Variants in IKZF1 observed in about 807,000 individuals in gnomAD.
The protein encoded by IKZF1 is DNA-binding protein Ikaros.
IKZF1 carries 10 observed loss-of-function variants against 51.7 expected under a neutral mutation model. The ratio of observed to expected loss-of-function variants is 0.19; its 90% CI spans 0.12 to 0.33. The LOEUF is 0.33. IKZF1 is among the 10% of genes least tolerant of loss of function. The pLI is 1.00. For missense variants in IKZF1, 484 were observed against 707.5 expected, an observed-to-expected ratio of 0.68 and a Z score of 3.58; for synonymous variants, 280 against 282.3, an observed-to-expected ratio of 0.99 and a Z score of 0.08.
rs114832491 is a variant in IKZF1, at chr7:50,386,083, G to A, written c.590-1262G>A. ...GTGTTCAATAAAACAACATGAGAAA[G>A]AAGTAGAAGATTCTGCTATTAGGTT... On this transcript the variant is annotated intron_variant, in intron 5 of 7. Coordinates refer to ENST00000331340, the MANE Select transcript of IKZF1 (RefSeq NM_006060.6). 3.5e-3 allele frequency among the ~76,000 whole-genome samples: 532 copies of A among 152,282 alleles called. 4 individuals carry two copies. Among genetic ancestry groups the A allele is most frequent in the African/African-American group, 0.012 (501 of 41,554 alleles).
At chr7:50,322,695 T>G (rs1185736283) in intron 2 of IKZF1, among the ~76,000 whole-genome samples, 1 of 152,208 alleles carries the variant, frequency 6.6e-6, no homozygotes, top group East Asian at 1.9e-4. Flanking sequence ...ATGCATTATT[T>G]TTTGGTTTGG....
At chr7:50,399,045 G>A (rs1176937060) in intron 7 of IKZF1, among the ~76,000 whole-genome samples, 1 of 152,244 alleles carries the variant, frequency 6.6e-6, no homozygotes, top group Non-Finnish European at 1.5e-5. Flanking sequence ...ATGAACTGAT[G>A]ATGTTAGATC....
Position 50,400,626 on chromosome 7 carries a change from A to G in IKZF1, c.1559A>G (p.Ter520=). 1 of 1,607,198 alleles carries G rather than the reference A, an allele frequency of 6.2e-7. No homozygotes were observed. Among genetic ancestry groups the G allele is most frequent in the Non-Finnish European group, 8.5e-7 (1 of 1,179,552 alleles). The change falls in exon 8 of 8, where the codon TAA becomes TGA. Residue 520 remains the stop codon, a stop_retained_variant. Transcript: ENST00000331340. This position sits in a 1 kb window ranked among gnomAD's most constrained non-coding sequence, Gnocchi z 5.4. The stretch of plus-strand genomic sequence containing the variant: ...GGGGAGCACCGCTTCCACATGAGCT[A>G]AAGCCCTCCCGCGCCCCCACCCCAG... ...TRGEHRFHMS[*] is the part of the protein sequence containing the mutation.
intron 3 of IKZF1, among the ~76,000 whole-genome samples, chr7:50,373,366 G>A (rs1809286049): frequency 6.6e-6 from 1 of 152,202 alleles, no homozygotes; most frequent in Non-Finnish European, 1.5e-5. Context: ...AAGAACAAGT[G>A]ATAGCTTCTG....
In IKZF1 at chr7:50,307,261, A is replaced by AT. The variant is rs146153005; in HGVS notation, c.-15+2349dup. On this transcript the variant is annotated intron_variant, in intron 1 of 7. Transcript: ENST00000331340. ...ATCAAGGATATCACTGTTTTGTGGC[A>AT]TTTTTTTTTTCCTCCTCTAATCTTT... 3.1e-4 allele frequency among the ~76,000 whole-genome samples: 46 copies of AT among 149,400 alleles called. 1 individual carries two copies. Among genetic ancestry groups the AT allele is most frequent in the Admixed American group, 6.7e-4 (10 of 14,998 alleles).
At chr7:50,375,704 C>T (rs1406552966) in intron 3 of IKZF1, among the ~76,000 whole-genome samples, 11 of 30,386 alleles carry the variant, frequency 3.6e-4, no homozygotes, top group Non-Finnish European at 6.1e-4. Flanking sequence ...GTTCACCTCC[C>T]ACCCCCCCCC....
At chr7:50,369,147 T>C in intron 3 of IKZF1, 1 of 242,188 alleles carries the variant, frequency 4.1e-6, no homozygotes, top group Non-Finnish European at 8.0e-6. Flanking sequence ...TGCTTATATA[T>C]GTGTATTTGT....
Position 50,327,951 on chromosome 7 carries a change from A to G in IKZF1, c.160+194A>G, listed in dbSNP as rs182479115. 1,536 of 638,444 alleles carry G rather than the reference A, an allele frequency of 2.4e-3. 10 individuals are homozygous for G. Among genetic ancestry groups the G allele is most frequent in the South Asian group, 4.6e-3 (203 of 44,420 alleles). The allele number at this position is 638,444 out of a possible 1,614,324, so 39.5% of individuals were successfully genotyped here. On this transcript the variant is annotated intron_variant, in intron 3 of 7. Transcript: ENST00000331340. ...GGAGGATGGACACTCACAGGCCAGC[A>G]TGGCCGTGAGAGCCACACACCCCGC...
At chr7:50,337,598 G>A (rs1296841995) in intron 3 of IKZF1, among the ~76,000 whole-genome samples, 1 of 152,230 alleles carries the variant, frequency 6.6e-6, no homozygotes, top group African/African-American at 2.4e-5. Flanking sequence ...GCATCCCCCA[G>A]CCTAGAGTAG....
Position 50,376,919 on chromosome 7 carries a change from A to C in IKZF1, c.421+126A>C. The C allele has an allele frequency of 6.8e-7, 1 of 1,460,934 alleles. No individual in the cohort carries two copies. The highest frequency in any genetic ancestry group is 9.1e-7 in the Non-Finnish European group (1 of 1,099,272). 90.5% of individuals were successfully genotyped at this position (1,460,934 alleles called of 1,614,324 possible). A position where few individuals can be genotyped will look rare whatever the true frequency, so the allele number is the denominator to read the frequency against. ...AATTGACTGGTAGCTCAGTTGTTGC[A>C]AGCGATTGGTTCCAAGTGGTACCGA... is the stretch of plus-strand genomic sequence containing the variant. On this transcript the variant is annotated intron_variant, in intron 4 of 7. Coordinates refer to ENST00000331340, the MANE Select transcript of IKZF1 (RefSeq NM_006060.6). This position sits in a 1 kb window ranked among gnomAD's most constrained non-coding sequence, Gnocchi z 4.5.
At chr7:50,322,249 G>T (rs1356021664) in intron 2 of IKZF1, among the ~76,000 whole-genome samples, 1 of 152,114 alleles carries the variant, frequency 6.6e-6, no homozygotes, top group Non-Finnish European at 1.5e-5. Flanking sequence ...ATCTTACCAA[G>T]ATTATGTTAT....
rs777855187 is a variant in IKZF1, at chr7:50,376,804, G to A, written c.421+11G>A. 2 of 1,612,252 alleles carry A rather than the reference G, an allele frequency of 1.2e-6. No homozygotes were observed. The highest frequency in any genetic ancestry group is 1.7e-6 in the Non-Finnish European group (2 of 1,178,620). The stretch of plus-strand genomic sequence containing the variant: ...AAAGAAGCCACACTGGTAAGGCCTG[G>A]CTCAGTTTTTCCTTTAGTGGCCTGG... On this transcript the variant is annotated intron_variant, in intron 4 of 7. Coordinates refer to ENST00000331340, the MANE Select transcript of IKZF1 (RefSeq NM_006060.6). This position sits in a 1 kb window ranked among gnomAD's most constrained non-coding sequence, Gnocchi z 4.5.
At position 50,400,110 on chromosome 7, in the gene IKZF1, A is replaced by G. The variant is rs761525426; in HGVS notation, c.1043A>G (p.Tyr348Cys). The change falls in exon 8 of 8, where the codon TAC becomes TGC. Residue 348 changes from tyrosine to cysteine, a missense_variant. Coordinates refer to ENST00000331340, the MANE Select transcript of IKZF1 (RefSeq NM_006060.6). The surrounding 1 kb of genome is among the most constrained non-coding windows in gnomAD (Gnocchi z 5.4). ...SEVVPVISPM[Y>C]QLHKPLAEGT... ...GTGGTCCCGGTCATCAGCCCGATGT[A>G]CCAGCTGCACAAGCCGCTCGCGGAG... is the stretch of plus-strand genomic sequence containing the variant. 1.8e-5 allele frequency: 28 copies of G among 1,558,580 alleles called. No homozygotes were observed. The highest frequency in any genetic ancestry group is 2.4e-5 in the Non-Finnish European group (28 of 1,154,250).
rs781367014 is a variant in IKZF1, at chr7:50,404,801, A to G, written c.*4174A>G. ...ACAATTTCACTACCTTGTCTTTTACATAGTCATAAGAATTATCCTCAACAT... is the reference window on the plus strand; with the variant it reads ...ACAATTTCACTACCTTGTCTTTTACGTAGTCATAAGAATTATCCTCAACAT... On this transcript the variant is annotated 3_prime_UTR_variant, in exon 8 of 8. Coordinates refer to ENST00000331340, the MANE Select transcript of IKZF1 (RefSeq NM_006060.6). 1.3e-5 allele frequency: 3 copies of G among 228,150 alleles called. No individual in the cohort carries two copies. The highest frequency in any genetic ancestry group is 2.6e-5 in the Non-Finnish European group (3 of 114,918). 14.1% of individuals were successfully genotyped at this position (228,150 alleles called of 1,614,324 possible). A position where few individuals can be genotyped will look rare whatever the true frequency, so the allele number is the denominator to read the frequency against.
intron 3 of IKZF1, among the ~76,000 whole-genome samples, chr7:50,336,448 C>T (rs1460774879): frequency 2.0e-5 from 3 of 152,234 alleles, no homozygotes; most frequent in African/African-American, 7.2e-5. Flanking sequence ...GGCCCGCACT[C>T]GCTCTGAGGC....
chr7:50,342,040 A>C (rs1375161472), intron 3 of IKZF1, among the ~76,000 whole-genome samples: 3 of 151,994 alleles, frequency 2.0e-5, no homozygotes, highest in Admixed American at 2.0e-4. Flanking sequence ...TCATTTATCA[A>C]CTCTCTAAAA....
chr7:50,365,822 G>T (rs777716927), intron 3 of IKZF1, among the ~76,000 whole-genome samples: 8 of 152,168 alleles, frequency 5.3e-5, no homozygotes, highest in Non-Finnish European at 1.0e-4. Context: ...ACACATGCAC[G>T]CATTTGTTTG....
At position 50,377,030 on chromosome 7, in the gene IKZF1, G is replaced by A; in HGVS notation, c.421+237G>A. 7 of 632,620 alleles carry A rather than the reference G, an allele frequency of 1.1e-5. No homozygotes were observed. In the South Asian group the frequency reaches 1.3e-4, roughly 11 times the overall value. The allele number at this position is 632,620 out of a possible 1,614,324, so 39.2% of individuals were successfully genotyped here. A position where few individuals can be genotyped will look rare whatever the true frequency, so the allele number is the denominator to read the frequency against. ...ACCCTATAAATAAAACAAGGGAAAA[G>A]TGAACAGCATCACATGAGAGGCTTG... On this transcript the variant is annotated intron_variant, in intron 4 of 7. Coordinates refer to ENST00000331340, the MANE Select transcript of IKZF1 (RefSeq NM_006060.6).
chr7:50,395,181 A>T (rs560175336), intron 7 of IKZF1, among the ~76,000 whole-genome samples: 2 of 152,362 alleles, frequency 1.3e-5, no homozygotes, highest in Admixed American at 6.5e-5. Flanking sequence ...GTAGAAAAGT[A>T]TCATTCTAAA....
Sources: allele counts gnomAD v4.1 joint callset (sites outside exome capture counted in the v4.1 genomes callset), GRCh38; gene constraint gnomAD v4.1.1; non-coding constraint Gnocchi (gnomAD v3.1); transcripts MANE v1.5; gene names NCBI Gene and HGNC (gene_info 2026-07-23, HGNC 2026-07-21).